CFAP54: variants seen among roughly 807,000 people sequenced by gnomAD.
The protein encoded by CFAP54 is cilia- and flagella-associated protein 54.
CFAP54 carries 290 observed loss-of-function variants against 370.4 expected under a neutral mutation model. The ratio of observed to expected loss-of-function variants is 0.78; its 90% CI spans 0.71 to 0.86. CFAP54 has a LOEUF of 0.86. CFAP54 is among the 40% of genes least tolerant of loss of function. The pLI is 0.00. For missense variants in CFAP54, 3,399 were observed against 3,528.7 expected (o/e 0.96, Z 0.93); for synonymous variants, 1,206 against 1,236.5 (o/e 0.98, Z 0.52).
intron 32 of CFAP54, among the ~76,000 whole-genome samples, chr12:96,638,204 C>CAT (rs1491263304): frequency 1.2e-4 from 9 of 72,050 alleles, no homozygotes; most frequent in African/African-American, 2.4e-4. Context: ...TATATATATG[C>CAT]ATGTGTGTGT....
intron 59 of CFAP54, among the ~76,000 whole-genome samples, chr12:96,764,830 G>C (rs1176264045): frequency 6.6e-6 from 1 of 152,136 alleles, no homozygotes; most frequent in Non-Finnish European, 1.5e-5. Flanking sequence ...GTCATAGCTA[G>C]GTAAGGTAGC....
At chr12:96,811,159 C>T (rs140016229) in intron 63 of CFAP54, among the ~76,000 whole-genome samples, 57 of 152,270 alleles carry the variant, frequency 3.7e-4, no homozygotes, top group African/African-American at 1.3e-3. Context: ...GACTCTCAAA[C>T]GCTACAAATC....
chr12:96,817,009 A>T (rs1035768537), intron 64 of CFAP54, among the ~76,000 whole-genome samples: 1 of 152,126 alleles, frequency 6.6e-6, no homozygotes, highest in Admixed American at 6.5e-5. Context: ...CAATACACTG[A>T]ATTGTTATGG....
Position 96,649,895 on chromosome 12 carries a change from TGAA to T in CFAP54, c.4699_4701del (p.Glu1567del). On this transcript the variant is annotated inframe_deletion, in exon 35 of 68. Coordinates refer to ENST00000524981, the MANE Select transcript of CFAP54 (RefSeq NM_001306084.2). ...TATCTTATTTTTGTACTGTAGATGC[TGAA>T]GAATTTTCTACATTTATTAATTCCA... 6.3e-7 allele frequency: 1 copy of T among 1,590,052 alleles called. No individual in the cohort carries two copies. Among genetic ancestry groups the T allele is most frequent in the Non-Finnish European group, 8.6e-7 (1 of 1,166,926 alleles).
At chr12:96,845,288 C>T (rs373034929) in intron 66 of CFAP54, among the ~76,000 whole-genome samples, 4 of 152,144 alleles carry the variant, frequency 2.6e-5, no homozygotes, top group African/African-American at 9.7e-5. Context: ...ATGCATGTAG[C>T]CATATTGCTA....
intron 12 of CFAP54, among the ~76,000 whole-genome samples, chr12:96,535,898 A>G (rs1010493): frequency 0.42 from 63,410 of 151,948 alleles, 13,737 homozygotes; most frequent in South Asian, 0.46. Context: ...ACTGCTTTCA[A>G]TCCATGAGTA....
At chr12:96,579,102 C>A (rs746029111) in intron 20 of CFAP54, among the ~76,000 whole-genome samples, 1 of 152,016 alleles carries the variant, frequency 6.6e-6, no homozygotes, top group Non-Finnish European at 1.5e-5. Flanking sequence ...AGTCTTTCTG[C>A]CTTTTTTCTT....
At chr12:96,871,594 T>C (rs2136473817) in intron 67 of CFAP54, among the ~76,000 whole-genome samples, 1 of 152,282 alleles carries the variant, frequency 6.6e-6, no homozygotes, top group South Asian at 2.1e-4. Flanking sequence ...GTTCCAGGTA[T>C]TAGAATTAGC....
intron 62 of CFAP54, among the ~76,000 whole-genome samples, chr12:96,789,040 T>C (rs1958656555): frequency 6.6e-6 from 1 of 152,134 alleles, no homozygotes; most frequent in African/African-American, 2.4e-5. Context: ...TAGGATGTGG[T>C]TTATATTTAT....
At position 96,644,484 on chromosome 12, in the gene CFAP54, A is replaced by G. The variant is rs140401219; in HGVS notation, c.4547+76A>G. Reference sequence around the variant, plus strand: ...TTGTATTTGTATGTTCAGAGCTCCAATGGTGCTAACAACTTAAGGAGGTTT... The same window carrying G: ...TTGTATTTGTATGTTCAGAGCTCCAGTGGTGCTAACAACTTAAGGAGGTTT... On this transcript the variant is annotated intron_variant, in intron 33 of 67. Transcript: ENST00000524981. 9.5e-4 allele frequency: 996 copies of G among 1,052,858 alleles called. 3 individuals are homozygous for G. The highest frequency in any genetic ancestry group is 4.2e-3 in the Admixed American group (194 of 46,622). The allele number at this position is 1,052,858 out of a possible 1,614,324, so 65.2% of individuals were successfully genotyped here.
At chr12:96,795,727 G>A (rs1265840204) in intron 63 of CFAP54, among the ~76,000 whole-genome samples, 3 of 152,074 alleles carry the variant, frequency 2.0e-5, no homozygotes, top group African/African-American at 7.2e-5. Context: ...AAAAAAAGCA[G>A]GACTTTCAGG....
chr12:96,839,706 T>G (rs894710089), intron 66 of CFAP54, among the ~76,000 whole-genome samples: 1 of 152,216 alleles, frequency 6.6e-6, no homozygotes, highest in African/African-American at 2.4e-5. Flanking sequence ...TGAGGTGGTT[T>G]GGCTGAGAAA....
intron 26 of CFAP54, among the ~76,000 whole-genome samples, 195 bp from the exon 27 acceptor site, chr12:96,621,395 T>C (rs1378498390): frequency 6.6e-6 from 1 of 152,210 alleles, no homozygotes; most frequent in East Asian, 1.9e-4. Flanking sequence ...CTTAAAATAG[T>C]TGAATTATGC....
rs552254834 is a variant in CFAP54, at chr12:96,668,623, C to A, written c.5563+4691C>A. Among the ~76,000 whole-genome samples the A allele has an allele frequency of 2.7e-3, 418 of 152,256 alleles. 5 individuals are homozygous for A. The highest frequency in any genetic ancestry group is 1.6e-3 in the Non-Finnish European group (111 of 68,000). ...CATGGGGATTATGGGAGCTACAATT[C>A]AAGATGAGATTTGGGTGGGGACATA... On this transcript the variant is annotated intron_variant, in intron 39 of 67. Transcript: ENST00000524981.
At chr12:96,867,174 A>C (rs1960027509) in intron 67 of CFAP54, among the ~76,000 whole-genome samples, 1 of 152,128 alleles carries the variant, frequency 6.6e-6, no homozygotes, top group African/African-American at 2.4e-5. Context: ...ACACATTAGT[A>C]TTTCTCTGAC....
intron 26 of CFAP54, among the ~76,000 whole-genome samples, chr12:96,603,836 T>A (rs1467796628): frequency 6.6e-6 from 1 of 152,242 alleles, no homozygotes; most frequent in Non-Finnish European, 1.5e-5. Context: ...CTACACTGTT[T>A]ATTCTAGTTA....
chr12:96,774,873 T>G (rs576029714), intron 60 of CFAP54, among the ~76,000 whole-genome samples: 2 of 152,150 alleles, frequency 1.3e-5, no homozygotes, highest in Non-Finnish European at 2.9e-5. Flanking sequence ...TTTAAAAAAA[T>G]TATTTCTATT....
intron 50 of CFAP54, among the ~76,000 whole-genome samples, chr12:96,732,110 TTGTGTGTGTG>T (rs34235358): frequency 6.7e-6 from 1 of 148,970 alleles, no homozygotes; most frequent in Middle Eastern, 3.5e-3. Context: ...GTGTGTGTGT[TTGTGTGTGTG>T]TGTGTGTGTG....
chr12:96,617,273 G>A (rs931844136), intron 26 of CFAP54, among the ~76,000 whole-genome samples: 1 of 152,154 alleles, frequency 6.6e-6, no homozygotes, highest in African/African-American at 2.4e-5. Flanking sequence ...CCTGGAGCTC[G>A]GGAGATGTGA....
Sources: gnomAD v4.1 joint callset for allele counts (sites outside exome capture counted in the v4.1 genomes callset) on GRCh38, gnomAD v4.1.1 for gene constraint, MANE v1.5 for transcripts, NCBI Gene and HGNC (gene_info 2026-07-23, HGNC 2026-07-21) for gene names.